The following ANK3 variants were observed in gnomAD, a reference collection of about 807,000 sequenced individuals.
The protein encoded by ANK3 is ankyrin 3.
A neutral mutation model predicts 370.9 loss-of-function variants in ANK3; 57 were observed. That is an observed-to-expected ratio of 0.15 (90% CI 0.12 to 0.19). The LOEUF is 0.19. Ranked by LOEUF, ANK3 falls within the 10% of genes least tolerant of loss-of-function variation. The pLI, the probability that ANK3 is intolerant of heterozygous loss-of-function variation, is 1.00. For synonymous variants in ANK3, 1,929 were observed against 1,946.3 expected, an observed-to-expected ratio of 0.99 and a Z score of 0.23; for missense variants, 4,439 against 5,302.1, an observed-to-expected ratio of 0.84 and a Z score of 5.06.
intron 1 of ANK3, among the ~76,000 whole-genome samples, chr10:60,695,542 A>G (rs1213859790): frequency 6.6e-6 from 1 of 152,214 alleles, no homozygotes; most frequent in Non-Finnish European, 1.5e-5. Context: ...AGAAATTATA[A>G]CAAACTGTCT....
At chr10:60,709,726 G>C (rs1248233910) in intron 1 of ANK3, among the ~76,000 whole-genome samples, 1 of 151,706 alleles carries the variant, frequency 6.6e-6, no homozygotes, top group Non-Finnish European at 1.5e-5. Flanking sequence ...TACTCAGGAG[G>C]CTGAGATGGG....
chr10:60,457,661 T>C (rs533269968), intron 2 of ANK3, among the ~76,000 whole-genome samples: 5 of 152,176 alleles, frequency 3.3e-5, no homozygotes, highest in African/African-American at 1.2e-4. Context: ...GGATGGAGCC[T>C]CATGGGGAAG....
intron 1 of ANK3, among the ~76,000 whole-genome samples, chr10:60,380,443 G>A (rs2061409129): frequency 1.3e-5 from 2 of 152,102 alleles, no homozygotes; most frequent in African/African-American, 2.4e-5. Context: ...CAGACCAACT[G>A]GGGTTTGAAT....
chr10:60,211,015 T>C (rs936423118), intron 9 of ANK3, among the ~76,000 whole-genome samples: 1 of 152,006 alleles, frequency 6.6e-6, no homozygotes, highest in Non-Finnish European at 1.5e-5. Context: ...CACAACCAGC[T>C]CATGAGCCGA....
At chr10:60,285,502 A>G (rs546166287) in intron 1 of ANK3, among the ~76,000 whole-genome samples, 2 of 151,952 alleles carry the variant, frequency 1.3e-5, no homozygotes, top group African/African-American at 2.4e-5. Flanking sequence ...AGTACCAATC[A>G]CCTTCTCTTT....
chr10:60,383,653 A>T (rs1566957101), intron 1 of ANK3, among the ~76,000 whole-genome samples: 2 of 152,088 alleles, frequency 1.3e-5, no homozygotes, highest in Non-Finnish European at 1.5e-5. Context: ...ACAGAATATC[A>T]AGTATGCTAA....
chr10:60,707,271 G>T (rs1222842163), intron 1 of ANK3, among the ~76,000 whole-genome samples: 3 of 152,042 alleles, frequency 2.0e-5, no homozygotes, highest in African/African-American at 7.2e-5. Context: ...ATCCTCAAAA[G>T]CCAATCAATA....
At position 60,071,473 on chromosome 10, in the gene ANK3, T is replaced by C. The variant is rs1248780177; in HGVS notation, c.9408A>G (p.Arg3136=). The change falls in exon 37 of 44, where the codon AGA becomes AGG. Residue 3136 remains arginine (R), a synonymous_variant. Coordinates refer to ENST00000280772, the MANE Select transcript of ANK3 (RefSeq NM_020987.5). ...GGGGAGAAGGAGGTTGCTTTTGCTGTCTAGTTGTATAAAAGGTCCCCCTGG... is the reference window on the plus strand; with the variant it reads ...GGGGAGAAGGAGGTTGCTTTTGCTGCCTAGTTGTATAAAAGGTCCCCCTGG... ...QETRGTFYTT[R]QQKQPPSPQG... is the part of the protein sequence containing the mutation. 3.1e-6 allele frequency: 5 copies of C among 1,613,996 alleles called. No individual in the cohort carries two copies. The highest frequency in any genetic ancestry group is 4.2e-6 in the Non-Finnish European group (5 of 1,179,964).
chr10:60,257,470 T>G (rs369686936), intron 7 of ANK3, among the ~76,000 whole-genome samples: 1 of 152,192 alleles, frequency 6.6e-6, no homozygotes, highest in African/African-American at 2.4e-5. Context: ...GAATTGAGCC[T>G]TTTGAAGTAT....
intron 1 of ANK3, among the ~76,000 whole-genome samples, chr10:60,288,330 A>G (rs1566284732): frequency 6.6e-6 from 1 of 152,168 alleles, no homozygotes; most frequent in Non-Finnish European, 1.5e-5. Flanking sequence ...TCTGCTTAGG[A>G]TCACATATCC....
intron 1 of ANK3, among the ~76,000 whole-genome samples, chr10:60,641,110 A>G (rs2078626468): frequency 6.6e-6 from 1 of 150,524 alleles, no homozygotes; most frequent in African/African-American, 2.4e-5. Flanking sequence ...ACTACAAACC[A>G]CTGCTCAAGG....
chr10:60,075,891 T>C lies in ANK3; in HGVS notation c.4990A>G (p.Ile1664Val). ...YSSSLPFKSI[I>V]TSAAPLISSP... ...GATATTAGCGGTGCTGCTGATGTAATAATTGACTTAAATGGCAAACTTGAG... is the reference window on the plus strand; with the variant it reads ...GATATTAGCGGTGCTGCTGATGTAACAATTGACTTAAATGGCAAACTTGAG... The change falls in exon 37 of 44, where the codon ATT becomes GTT. Residue 1664 changes from isoleucine (I) to valine (V), a missense_variant. Transcript: ENST00000280772. 3.1e-6 allele frequency: 5 copies of C among 1,614,148 alleles called. No individual in the cohort carries two copies. Among genetic ancestry groups the C allele is most frequent in the Non-Finnish European group, 4.2e-6 (5 of 1,180,016 alleles).
At chr10:60,367,215 T>C (rs978976551) in intron 1 of ANK3, among the ~76,000 whole-genome samples, 20 of 152,200 alleles carry the variant, frequency 1.3e-4, no homozygotes, top group African/African-American at 4.8e-4. Flanking sequence ...ACATAACCGT[T>C]CCTACCAAAT....
rs1369593537 is a variant in ANK3 at position 60,083,531 on chromosome 10, A to G, written c.4161T>C (p.Phe1387=). The G allele has an allele frequency of 1.9e-6, 3 of 1,611,992 alleles. No homozygotes were observed. The highest frequency in any genetic ancestry group is 2.2e-5 in the South Asian group (2 of 90,344). ...GCAGTCTATTTTCTTTGAAAGAATA[A>G]AAGTTAAAAACAAGTTGCTGTCCTC... The part of the protein sequence containing the change: ...TKGGQQLVFN[F]YSFKENRLPF... The change falls in exon 33 of 44, where the codon TTT becomes TTC. Residue 1387 remains phenylalanine, a synonymous_variant. Transcript: ENST00000280772.
intron 42 of ANK3, among the ~76,000 whole-genome samples, chr10:60,048,088 A>C (rs1589227147): frequency 6.6e-6 from 1 of 152,230 alleles, no homozygotes; most frequent in African/African-American, 2.4e-5. Flanking sequence ...GAATTCTAAG[A>C]AGACAGATTT....
chr10:60,686,104 G>A (rs1316956114), intron 1 of ANK3, among the ~76,000 whole-genome samples: 1 of 151,908 alleles, frequency 6.6e-6, no homozygotes, highest in African/African-American at 2.4e-5. Context: ...ACAAGAATAG[G>A]TAAGATAATT....
chr10:60,630,394 T>C (rs1023605795), intron 1 of ANK3, among the ~76,000 whole-genome samples: 2 of 152,226 alleles, frequency 1.3e-5, no homozygotes, highest in African/African-American at 4.8e-5. Context: ...ATGTTACCAA[T>C]TGTTGCTGCA....
chr10:60,275,045 A>T (rs2098066500), intron 4 of ANK3, among the ~76,000 whole-genome samples: 1 of 152,198 alleles, frequency 6.6e-6, no homozygotes. Flanking sequence ...ATGGATTGGG[A>T]GAATGGTCAG....
chr10:60,375,463 T>G lies in ANK3; in HGVS notation c.114+13962A>C, dbSNP rs187250308. 4.7e-4 allele frequency among the ~76,000 whole-genome samples: 70 copies of G among 150,480 alleles called. No homozygotes were observed. The East Asian group carries it at 0.013, about 29-fold the overall frequency. On this transcript the variant is annotated intron_variant, in intron 1 of 43. Transcript: ENST00000280772. Reference sequence around the variant, plus strand: ...AGCACTGCCAGTGGGAGGCCTTTAGTGAGAACTCAAAGGTAACCCATTAAG... The same window carrying G: ...AGCACTGCCAGTGGGAGGCCTTTAGGGAGAACTCAAAGGTAACCCATTAAG...
Sources: gnomAD v4.1 joint callset for allele counts (sites outside exome capture counted in the v4.1 genomes callset) on GRCh38, gnomAD v4.1.1 for gene constraint, MANE v1.5 for transcripts, NCBI Gene and HGNC (gene_info 2026-07-23, HGNC 2026-07-21) for gene names.